ADGRL2: variants seen among roughly 807,000 people sequenced by gnomAD.
ADGRL2 encodes adhesion G protein-coupled receptor L2, also known as calcium-independent alpha-latrotoxin receptor 2.
ADGRL2 carries 44 observed loss-of-function variants against 157.4 expected under a neutral mutation model. The observed-to-expected ratio is 0.28, with a 90% CI of 0.22 to 0.36. The LOEUF (loss-of-function observed/expected upper bound fraction) is 0.36. Ranked by LOEUF, ADGRL2 falls within the 10% of genes least tolerant of loss-of-function variation. The probability of loss-of-function intolerance (pLI) is 1.00; values close to 1 mark genes in which losing one functional copy is unlikely to be tolerated. For synonymous variants in ADGRL2, 585 were observed against 624.7 expected (o/e 0.94, Z 0.95); for missense variants, 1,510 against 1,768.9 (o/e 0.85, Z 2.63).
At chr1:81,742,597 C>T (rs1498204) in intron 1 of ADGRL2, among the ~76,000 whole-genome samples, 2 of 151,574 alleles carry the variant, frequency 1.3e-5, no homozygotes, top group Non-Finnish European at 1.5e-5. Context: ...AAGAATGCAA[C>T]GAAAGAACTG....
chr1:81,620,821 G>A (rs1006592466), intron 3 of ADGRL2, among the ~76,000 whole-genome samples: 1 of 152,194 alleles, frequency 6.6e-6, no homozygotes, highest in African/African-American at 2.4e-5. Flanking sequence ...TAAGTTCAGG[G>A]TAGGAAGAAA....
intron 1 of ADGRL2, among the ~76,000 whole-genome samples, chr1:81,760,842 T>C (rs967877294): frequency 6.6e-6 from 1 of 151,864 alleles, no homozygotes; most frequent in Admixed American, 6.6e-5. Flanking sequence ...CATTAAGAGC[T>C]TGCATTAAAA....
At chr1:81,472,608 C>G (rs2078194079) in intron 2 of ADGRL2, among the ~76,000 whole-genome samples, 1 of 151,728 alleles carries the variant, frequency 6.6e-6, no homozygotes, top group Non-Finnish European at 1.5e-5. Flanking sequence ...TGCATTCCAG[C>G]CTGGGCGACA....
At chr1:81,430,252 G>A (rs2077296241) in intron 1 of ADGRL2, among the ~76,000 whole-genome samples, 1 of 152,220 alleles carries the variant, frequency 6.6e-6, no homozygotes, top group Admixed American at 6.5e-5. Context: ...AGATGGCAAT[G>A]TAGTAGCAAG....
chr1:81,936,939 C>T, intron 4 of ADGRL2, 102 bp downstream of exon 4: 1 of 717,338 alleles, frequency 1.4e-6, no homozygotes, highest in South Asian at 1.7e-5. Context: ...GCCTACAAAA[C>T]CATTATGTAT....
At chr1:81,417,902 A>C (rs2077059230) in intron 1 of ADGRL2, among the ~76,000 whole-genome samples, 2 of 152,168 alleles carry the variant, frequency 1.3e-5, no homozygotes, top group Non-Finnish European at 2.9e-5. Context: ...CTCCAGTCAA[A>C]TGTGGCACCC....
intron 2 of ADGRL2, among the ~76,000 whole-genome samples, chr1:81,548,481 CAATT>C (rs1291722283): frequency 6.6e-6 from 1 of 151,688 alleles, no homozygotes; most frequent in East Asian, 1.9e-4. Context: ...AGTTAAATGT[CAATT>C]AAATACTGTT....
intron 2 of ADGRL2, among the ~76,000 whole-genome samples, chr1:81,853,535 T>C (rs914259645): frequency 2.0e-5 from 3 of 152,168 alleles, no homozygotes; most frequent in African/African-American, 7.2e-5. Flanking sequence ...GGTTGGTGTT[T>C]TTAAGAAAAC....
Position 81,691,878 on chromosome 1 carries a change from G to GTATATATATATATATATATA in ADGRL2, c.-142-69932_-142-69931insATATATATATATATATATAT, listed in dbSNP as rs755115574. Among the ~76,000 whole-genome samples the GTATATATATATATATATATA allele has an allele frequency of 7.0e-3, 861 of 122,250 alleles. 12 individuals carry two copies. Among genetic ancestry groups the GTATATATATATATATATATA allele is most frequent in the African/African-American group, 0.015 (481 of 32,554 alleles). The allele number at this position is 122,250 out of a possible 152,430, so 80.2% of individuals were successfully genotyped here. A position where few individuals can be genotyped will look rare whatever the true frequency, so the allele number is the denominator to read the frequency against. ...TATATATATATATGGGTGTGTGTGT[G>GTATATATATATATATATATA]TGTATATATATATATATGTATGTGT... is the stretch of plus-strand genomic sequence containing the variant. On this transcript the variant is annotated intron_variant, in intron 3 of 24. Transcript: ENST00000370721.
chr1:81,785,761 C>A (rs139700492), intron 2 of ADGRL2, among the ~76,000 whole-genome samples: 1 of 151,810 alleles, frequency 6.6e-6, no homozygotes, highest in African/African-American at 2.4e-5. Context: ...CTTCCAAAAC[C>A]GAACTAGCAT....
intron 2 of ADGRL2, among the ~76,000 whole-genome samples, chr1:81,565,929 T>A (rs1305452249): frequency 1.3e-5 from 2 of 152,100 alleles, no homozygotes; most frequent in African/African-American, 2.4e-5. Flanking sequence ...CCTTGGAAGG[T>A]GATGCGATTG....
intron 1 of ADGRL2, among the ~76,000 whole-genome samples, chr1:81,725,999 AACAAAAC>A (rs1193231155): frequency 6.6e-6 from 1 of 152,020 alleles, no homozygotes; most frequent in Non-Finnish European, 1.5e-5. Context: ...AACAAAACAA[AACAAAAC>A]AAAAACCCAA....
intron 2 of ADGRL2, among the ~76,000 whole-genome samples, chr1:81,490,648 A>G (rs1256093050): frequency 6.6e-6 from 1 of 152,218 alleles, no homozygotes. Flanking sequence ...ATGTTTTAAT[A>G]ACAATACCAA....
chr1:81,837,062 G>C lies in ADGRL2; in HGVS notation c.73+5G>C. 1 of 1,559,772 alleles carries C rather than the reference G, an allele frequency of 6.4e-7. No homozygotes were observed. Among genetic ancestry groups the C allele is most frequent in the Non-Finnish European group, 8.7e-7 (1 of 1,151,136 alleles). ...GCTTCTTACCAAATACAGAAGGTAA[G>C]ATCCAGTTTACATTTTGTTTTTTAA... is the stretch of plus-strand genomic sequence containing the variant. On this transcript the variant is annotated splice_donor_5th_base_variant and intron_variant, in intron 2 of 23. Transcript: ENST00000686636.
At chr1:81,849,118 A>G (rs1264065251) in intron 2 of ADGRL2, among the ~76,000 whole-genome samples, 1 of 151,836 alleles carries the variant, frequency 6.6e-6, no homozygotes, top group East Asian at 1.9e-4. Context: ...ATCTTGCTTT[A>G]TTTACCAGAA....
chr1:81,987,948 G>T, intron 23 of ADGRL2, 62 bp downstream of exon 23: 2 of 308,276 alleles, frequency 6.5e-6, no homozygotes, highest in Admixed American at 4.3e-5. Context: ...GATTTTTAAC[G>T]GGCACAATTA....
At chr1:81,358,026 T>C (rs1663439629) in intron 1 of ADGRL2, among the ~76,000 whole-genome samples, 1 of 152,250 alleles carries the variant, frequency 6.6e-6, no homozygotes, top group South Asian at 2.1e-4. Context: ...ACAATCATTT[T>C]CTTATAAGTC....
intron 1 of ADGRL2, among the ~76,000 whole-genome samples, chr1:81,734,114 T>A (rs1412316153): frequency 6.6e-6 from 1 of 151,470 alleles, no homozygotes; most frequent in Non-Finnish European, 1.5e-5. Context: ...CTGTCTCTAC[T>A]AAAAATACAA....
At chr1:81,732,211 C>T (rs1468731336) in intron 1 of ADGRL2, among the ~76,000 whole-genome samples, 2 of 152,090 alleles carry the variant, frequency 1.3e-5, no homozygotes, top group Non-Finnish European at 2.9e-5. Context: ...TAAGAGAGTA[C>T]AATGTGAGAT....
Sources: allele counts gnomAD v4.1 joint callset (sites outside exome capture counted in the v4.1 genomes callset), GRCh38; gene constraint gnomAD v4.1.1; transcripts MANE v1.5; gene names NCBI Gene and HGNC (gene_info 2026-07-23, HGNC 2026-07-21).